RNASEH2B: variants seen among roughly 807,000 people sequenced by gnomAD.
RNASEH2B encodes the protein ribonuclease H2 subunit B, also known as Aicardi-Goutieres syndrome 2 protein.
A neutral mutation model predicts 45.0 loss-of-function variants in RNASEH2B; 36 were observed. The ratio of observed to expected loss-of-function variants is 0.80; its 90% confidence interval spans 0.61 to 1.06. The LOEUF is 1.06. Among genes scored for constraint, RNASEH2B ranks in the 50% least tolerant of loss-of-function variants. The pLI, the probability that RNASEH2B is intolerant of heterozygous loss-of-function variation, is 0.00. For synonymous variants in RNASEH2B, 119 were observed against 125.7 expected (o/e 0.95, Z 0.35); for missense variants, 361 against 360.3 (o/e 1.00, Z -0.02).
intron 3 of RNASEH2B, 116 bp downstream of exon 3, chr13:50,929,698 C>G: frequency 1.4e-6 from 1 of 721,646 alleles, no homozygotes; most frequent in South Asian, 1.5e-5. Flanking sequence ...CTGGTTTAGC[C>G]TTCCTTGGCA....
chr13:50,928,796 A>G (rs1003511129), intron 2 of RNASEH2B, among the ~76,000 whole-genome samples: 2 of 152,114 alleles, frequency 1.3e-5, no homozygotes, highest in Admixed American at 6.5e-5. Context: ...TGCCCAGCAT[A>G]TGGTGGAGAT....
chr13:50,917,512 C>T (rs946573516), intron 1 of RNASEH2B, among the ~76,000 whole-genome samples: 2 of 152,222 alleles, frequency 1.3e-5, no homozygotes, highest in Non-Finnish European at 2.9e-5. Flanking sequence ...CCTGCAACTT[C>T]TAGCTGTTAT....
At chr13:50,947,159 C>T (rs942332185) in intron 7 of RNASEH2B, among the ~76,000 whole-genome samples, 2 of 152,078 alleles carry the variant, frequency 1.3e-5, no homozygotes, top group African/African-American at 4.8e-5. Context: ...TATATCCCCA[C>T]GTGGTTATCC....
intron 5 of RNASEH2B, chr13:50,942,577 A>G (rs1951845933): frequency 6.6e-6 from 1 of 152,168 alleles, no homozygotes; most frequent in South Asian, 2.1e-4. Flanking sequence ...GTTCATTGAA[A>G]ACATTGAGGT....
chr13:50,970,437 T>C, exon 10 of RNASEH2B: 1 of 218,868 alleles, frequency 4.6e-6, no homozygotes, highest in Non-Finnish European at 8.8e-6. Context: ...CCAGGAGTTA[T>C]TAAACATTTC....
At chr13:50,917,133 C>T (rs1370135716) in intron 1 of RNASEH2B, among the ~76,000 whole-genome samples, 5 of 152,184 alleles carry the variant, frequency 3.3e-5, no homozygotes, top group African/African-American at 9.7e-5. Flanking sequence ...CCCTCCACCA[C>T]CTATTGTAGC....
At chr13:50,960,726 T>C (rs956104329), downstream of RNASEH2B, among the ~76,000 whole-genome samples, 1 of 152,200 alleles carries the variant, frequency 6.6e-6, no homozygotes, top group Non-Finnish European at 1.5e-5. Flanking sequence ...TTCTACACTT[T>C]TATTAAGGAA....
In RNASEH2B at chr13:50,928,007, G is replaced by T. The variant is rs1335200321; in HGVS notation, c.136+529G>T. ...TCAGGGGACTTTTTTTTTTTTAAAT[G>T]ATAAGCATTGTTTATTGAAGGGATT... On this transcript the variant is annotated intron_variant, in intron 2 of 10. Transcript: ENST00000336617. 2.7e-5 allele frequency among the ~76,000 whole-genome samples: 4 copies of T among 149,926 alleles called. No individual in the cohort carries two copies. The East Asian group carries it at 7.8e-4, about 29-fold the overall frequency.
Position 50,956,550 on chromosome 13 carries a change from T to A in RNASEH2B, c.*76T>A, listed in dbSNP as rs750903767. ...TTTGTCCTTCCTGACTGTTAATGACTACCTTTGGTTGGGGGAAGGAAGAGG... is the reference window on the plus strand; with the variant it reads ...TTTGTCCTTCCTGACTGTTAATGACAACCTTTGGTTGGGGGAAGGAAGAGG... On this transcript the variant is annotated 3_prime_UTR_variant, in exon 11 of 11. Transcript: ENST00000336617. 8.6e-5 allele frequency: 132 copies of A among 1,540,020 alleles called. No individual in the cohort carries two copies. Among genetic ancestry groups the A allele is most frequent in the Non-Finnish European group, 1.0e-4 (117 of 1,139,726 alleles).
At position 50,919,899 on chromosome 13, in the gene RNASEH2B, T is replaced by A. The variant is rs79841997; in HGVS notation, c.65-7508T>A. Among the ~76,000 whole-genome samples, 565 of 152,346 alleles carry A rather than the reference T, an allele frequency of 3.7e-3. 2 individuals are homozygous for A. The highest frequency in any genetic ancestry group is 6.3e-3 in the Non-Finnish European group (427 of 68,020). On this transcript the variant is annotated intron_variant, in intron 1 of 10. Transcript: ENST00000336617. ...ATGGCCAATACATATTAGCTGTTAT[T>A]TTTGATTTTACATTCATTAGACACA...
chr13:50,930,921 C>A (rs1951673927), intron 4 of RNASEH2B, 162 bp downstream of exon 4: 5 of 674,056 alleles, frequency 7.4e-6, no homozygotes, highest in Admixed American at 2.1e-5. Context: ...CAGGACAGAG[C>A]ACTACTGCAC....
In RNASEH2B at chr13:50,962,713, T is replaced by G. The variant is rs1952123220; in HGVS notation, c.742-7219T>G. ...ATGATATTTCTTATATTTCTTCTCC[T>G]TTACATAATGTGTCTCCTCCTCATG... On this transcript the variant is annotated intron_variant, in intron 9 of 9. Coordinates refer to the RNASEH2B transcript ENST00000422660. Among the ~76,000 whole-genome samples the G allele has an allele frequency of 1.3e-5, 2 of 152,182 alleles. 1 individual carries two copies. Among genetic ancestry groups the G allele is most frequent in the South Asian group, 4.1e-4 (2 of 4,830 alleles).
intron 5 of RNASEH2B, chr13:50,941,174 A>G (rs1033654930): frequency 1.3e-5 from 2 of 152,210 alleles, no homozygotes; most frequent in African/African-American, 4.8e-5. Flanking sequence ...TATCTTAGCT[A>G]ATATTATGTA....
intron 1 of RNASEH2B, chr13:50,915,135 G>A (rs555840109): frequency 3.7e-5 from 10 of 268,374 alleles, no homozygotes; most frequent in Middle Eastern, 1.0e-3. Context: ...TTAGCCCTGG[G>A]CCTGGGACAG....
intron 9 of RNASEH2B, among the ~76,000 whole-genome samples, chr13:50,968,392 C>T (rs1311773575): frequency 6.6e-6 from 1 of 151,892 alleles, no homozygotes; most frequent in Non-Finnish European, 1.5e-5. Flanking sequence ...AGAGCAAGAC[C>T]CTGTCTCTTA....
intron 5 of RNASEH2B, among the ~76,000 whole-genome samples, chr13:50,939,638 ATTT>A (rs991487177): frequency 6.6e-6 from 1 of 150,852 alleles, no homozygotes; most frequent in Non-Finnish European, 1.5e-5. Context: ...TGGTCAATTG[ATTT>A]TTTTTTTCCA....
chr13:50,932,961 T>A (rs1951700265), intron 4 of RNASEH2B, among the ~76,000 whole-genome samples: 1 of 152,238 alleles, frequency 6.6e-6, no homozygotes. Context: ...TTAGTGAAGT[T>A]TTATCCCTTC....
intron 3 of RNASEH2B, among the ~76,000 whole-genome samples, chr13:50,929,926 A>G (rs953066165): frequency 2.6e-5 from 4 of 152,140 alleles, no homozygotes; most frequent in African/African-American, 2.4e-5. Flanking sequence ...TTAACATGTT[A>G]TTTCCTTGAA....
At chr13:50,918,391 C>T (rs903396512) in intron 1 of RNASEH2B, among the ~76,000 whole-genome samples, 1 of 152,228 alleles carries the variant, frequency 6.6e-6, no homozygotes, top group South Asian at 2.1e-4. Flanking sequence ...CCCGCCTCGG[C>T]CTCCCAAAGT....
Sources: allele counts gnomAD v4.1 joint callset (sites outside exome capture counted in the v4.1 genomes callset), GRCh38; gene constraint gnomAD v4.1.1; transcripts MANE v1.5; gene names NCBI Gene and HGNC (gene_info 2026-07-23, HGNC 2026-07-21).